The following ASTN2 variants were observed in gnomAD, a reference collection of about 807,000 sequenced individuals.
The protein encoded by ASTN2 is astrotactin-2.
ASTN2 carries 54 observed loss-of-function variants against 139.8 expected under a neutral mutation model. That is an observed-to-expected ratio of 0.39 (90% CI 0.31 to 0.48). The LOEUF (loss-of-function observed/expected upper bound fraction) is 0.48. Among genes scored for constraint, ASTN2 ranks in the 20% least tolerant of loss-of-function variants. The pLI is 0.95. For missense variants in ASTN2, 1,565 were observed against 1,725.1 expected (o/e 0.91, Z 1.64); for synonymous variants, 756 against 719.5 (o/e 1.05, Z -0.81).
At chr9:117,004,455 A>C (rs1471402974) in intron 7 of ASTN2, among the ~76,000 whole-genome samples, 1 of 152,158 alleles carries the variant, frequency 6.6e-6, no homozygotes, top group Admixed American at 6.5e-5. Flanking sequence ...AAATATGCTG[A>C]AACAGGCTCC....
At chr9:117,055,789 T>A (rs971672971) in intron 5 of ASTN2, among the ~76,000 whole-genome samples, 3 of 152,200 alleles carry the variant, frequency 2.0e-5, no homozygotes, top group African/African-American at 7.2e-5. Context: ...GTTTCCAAAT[T>A]GTTCCCAATG....
intron 13 of ASTN2, among the ~76,000 whole-genome samples, chr9:116,786,699 G>C (rs1830387997): frequency 6.6e-6 from 1 of 152,152 alleles, no homozygotes; most frequent in East Asian, 1.9e-4. Context: ...TTTAAACTTT[G>C]TAACTTTAAT....
At chr9:116,994,380 AT>A (rs1389387205) in intron 7 of ASTN2, among the ~76,000 whole-genome samples, 1 of 152,188 alleles carries the variant, frequency 6.6e-6, no homozygotes, top group Non-Finnish European at 1.5e-5. Flanking sequence ...GTGGATCTGA[AT>A]TTTCTTCCTG....
chr9:117,027,148 A>T (rs534413263), intron 6 of ASTN2, among the ~76,000 whole-genome samples: 130 of 152,322 alleles, frequency 8.5e-4, no homozygotes, highest in African/African-American at 2.9e-3. Flanking sequence ...ATTACCAAGT[A>T]CTTTAGAAAT....
intron 6 of ASTN2, among the ~76,000 whole-genome samples, chr9:117,019,183 A>G (rs1229834392): frequency 6.7e-6 from 1 of 150,310 alleles, no homozygotes; most frequent in Non-Finnish European, 1.5e-5. Context: ...AGAGAGGGAG[A>G]AAAAAAAACA....
At chr9:116,508,251 C>T (rs1850197756) in intron 19 of ASTN2, among the ~76,000 whole-genome samples, 1 of 152,206 alleles carries the variant, frequency 6.6e-6, no homozygotes, top group Non-Finnish European at 1.5e-5. Context: ...GTAACAGGGT[C>T]TTCAGAAAGC....
chr9:116,656,467 T>C (rs1414759066), intron 16 of ASTN2, among the ~76,000 whole-genome samples: 2 of 152,118 alleles, frequency 1.3e-5, no homozygotes, highest in Non-Finnish European at 2.9e-5. Flanking sequence ...AAATACAGTG[T>C]CTTTAACAGG....
intron 7 of ASTN2, among the ~76,000 whole-genome samples, chr9:116,982,746 T>C (rs1836547148): frequency 6.6e-6 from 1 of 152,102 alleles, no homozygotes; most frequent in South Asian, 2.1e-4. Context: ...TTAATTTTTT[T>C]TGGTGAAATG....
chr9:116,867,753 A>G (rs547894557), intron 10 of ASTN2, among the ~76,000 whole-genome samples: 2 of 152,132 alleles, frequency 1.3e-5, no homozygotes, highest in Non-Finnish European at 2.9e-5. Context: ...CATCAGTTAC[A>G]TGAGGGGAAC....
intron 17 of ASTN2, among the ~76,000 whole-genome samples, chr9:116,633,303 T>C (rs142524509): frequency 1.3e-5 from 2 of 152,220 alleles, no homozygotes; most frequent in Non-Finnish European, 2.9e-5. Context: ...GGTTTGTTAA[T>C]CTTACACAAA....
rs1564386247 is a variant in ASTN2 at position 117,016,752 on chromosome 9, T to TATATATATGTTA, written c.1424-8494_1424-8493insTAACATATATAT. On this transcript the variant is annotated intron_variant, in intron 6 of 22. Transcript: ENST00000313400. ...TATATATATAGGTTATATATAGGTT[T>TATATATATGTTA]TATATATAGGTTATATATAGGTTTT... Among the ~76,000 whole-genome samples, 28 of 80,552 alleles carry TATATATATGTTA rather than the reference T, an allele frequency of 3.5e-4. 1 individual carries two copies. Among genetic ancestry groups the TATATATATGTTA allele is most frequent in the South Asian group, 8.2e-4 (2 of 2,450 alleles). 52.8% of individuals were successfully genotyped at this position (80,552 alleles called of 152,430 possible).
rs144963407 is a variant in ASTN2 at position 116,863,609 on chromosome 9, G to A, written c.2014C>T (p.Arg672Trp). The A allele has an allele frequency of 1.1e-4, 178 of 1,614,084 alleles. No homozygotes were observed. The highest frequency in any genetic ancestry group is 4.9e-4 in the Middle Eastern group (3 of 6,062). The change falls in exon 11 of 23, where the codon CGG becomes TGG. Residue 672 changes from arginine to tryptophan, a missense_variant. Around this residue, in one of 4 missense-constraint regions of ASTN2, gnomAD observed 503 missense variants for 591.7 expected, o/e 0.85. Transcript: ENST00000313400. ...ACACATCCCGAGGAATCCACCTGCC[G>A]GTCAGACACACACTTGAAGTTGCGA... Reference protein sequence around the residue: ...CTRNFKCVSDRQVDSSGCVCP... With the variant: ...CTRNFKCVSDWQVDSSGCVCP...
chr9:117,109,125 T>C (rs1265237479), intron 4 of ASTN2, among the ~76,000 whole-genome samples: 1 of 151,060 alleles, frequency 6.6e-6, no homozygotes, highest in African/African-American at 2.4e-5. Flanking sequence ...CTACTAAAAA[T>C]ACAAAAATTA....
intron 13 of ASTN2, among the ~76,000 whole-genome samples, chr9:116,746,814 C>T (rs979860548): frequency 2.0e-5 from 3 of 152,140 alleles, no homozygotes; most frequent in African/African-American, 4.8e-5. Flanking sequence ...CTCTGTCTCC[C>T]TCATTGGACC....
chr9:117,404,858 A>G (rs763795334), intron 1 of ASTN2, among the ~76,000 whole-genome samples: 5 of 152,162 alleles, frequency 3.3e-5, no homozygotes, highest in Admixed American at 6.5e-5. Flanking sequence ...AGGGGGAAAA[A>G]AAAGAAGGAA....
chr9:117,378,264 G>C (rs1830176571), intron 1 of ASTN2, among the ~76,000 whole-genome samples: 1 of 152,146 alleles, frequency 6.6e-6, no homozygotes, highest in Non-Finnish European at 1.5e-5. Context: ...TAGATCCAGG[G>C]CTCCTGGTAC....
intron 19 of ASTN2, among the ~76,000 whole-genome samples, chr9:116,536,697 G>T (rs1851645884): frequency 6.6e-6 from 1 of 152,250 alleles, no homozygotes; most frequent in South Asian, 2.1e-4. Flanking sequence ...AAATGTTGCG[G>T]CCTGATCGTT....
chr9:117,083,340 A>C (rs968764171), intron 5 of ASTN2, among the ~76,000 whole-genome samples: 4 of 152,168 alleles, frequency 2.6e-5, no homozygotes, highest in African/African-American at 9.7e-5. Flanking sequence ...GCATGACACT[A>C]TTTAACCATC....
intron 19 of ASTN2, among the ~76,000 whole-genome samples, chr9:116,532,088 G>A (rs1361598465): frequency 4.6e-5 from 7 of 152,208 alleles, no homozygotes; most frequent in African/African-American, 1.7e-4. Flanking sequence ...TCGCATTGTA[G>A]TTTTGATTTG....
Sources: gnomAD v4.1 joint callset for allele counts (sites outside exome capture counted in the v4.1 genomes callset) on GRCh38, gnomAD v4.1.1 for gene constraint, gnomAD v4.1.1 regional missense constraint, MANE v1.5 for transcripts, NCBI Gene and HGNC (gene_info 2026-07-23, HGNC 2026-07-21) for gene names.